NTSR2: variants seen among roughly 807,000 people sequenced by gnomAD.
NTSR2 encodes neurotensin receptor type 2.
A neutral mutation model predicts 24.1 loss-of-function variants in NTSR2; 22 were observed. The observed-to-expected ratio is 0.91, with a 90% CI of 0.65 to 1.30. The LOEUF (loss-of-function observed/expected upper bound fraction) is 1.30. Ranked by LOEUF, NTSR2 falls within the 50% of genes most tolerant of loss-of-function variation. NTSR2 has a pLI of 0.00. For synonymous variants in NTSR2, 291 were observed against 267.0 expected, an observed-to-expected ratio of 1.09 and a Z score of -0.88; for missense variants, 570 against 570.4, an observed-to-expected ratio of 1.00 and a Z score of 0.01.
chr2:11,669,624 G>T lies in NTSR2; in HGVS notation c.506C>A (p.Pro169His). 1 of 1,574,758 alleles carries T rather than the reference G, an allele frequency of 6.4e-7. No homozygotes were observed. The highest frequency in any genetic ancestry group is 2.3e-5 in the East Asian group (1 of 43,290). Residue 169 changes from proline (P) to histidine (H), a missense_variant, in exon 1 of 4, where the codon CCC (proline) becomes CAC (histidine). Pro to His is a moderately conservative substitution (Grantham distance 77). Coordinates refer to ENST00000306928, the MANE Select transcript of NTSR2 (RefSeq NM_012344.4). ...CTTCTGCCCCATGATGACGGCCATG[G>T]GCAGGGCGAGGCCGAGCGAGGCGGC... Reference protein sequence around the residue: ...SWAASLGLALPMAVIMGQKHE... With the variant: ...SWAASLGLALHMAVIMGQKHE...
At chr2:11,659,839 G>A (rs75182814) in intron 3 of NTSR2, among the ~76,000 whole-genome samples, 2,989 of 152,284 alleles carry the variant, frequency 0.02, 97 homozygotes, top group African/African-American at 0.069. Flanking sequence ...TACGCACACG[G>A]CCTTACCAGG....
intron 3 of NTSR2, among the ~76,000 whole-genome samples, chr2:11,659,716 G>A (rs941161882): frequency 3.9e-5 from 6 of 152,214 alleles, no homozygotes; most frequent in African/African-American, 1.4e-4. Flanking sequence ...CTTGGAATAG[G>A]AGAGGAAGGA....
rs756031029 is a variant in NTSR2 at position 11,660,047 on chromosome 2, T to C, written c.985A>G (p.Thr329Ala). 1.2e-6 allele frequency: 2 copies of C among 1,613,704 alleles called. No individual in the cohort carries two copies. The highest frequency in any genetic ancestry group is 8.5e-7 in the Non-Finnish European group (1 of 1,179,808). ...GGGTCCTTCTGCCACACTCACTCAG[T>C]CCACGCGTCATCAGGTACGTAGCAG... The part of the protein sequence containing the change: ...MYCYVPDDAW[T>A]DPLYNFYHYF... Residue 329 changes from threonine (T) to alanine (A), a missense_variant, in exon 3 of 4, where the codon ACT becomes GCT. By Grantham distance (58) the Thr-to-Ala change is moderately conservative. Coordinates refer to ENST00000306928, the MANE Select transcript of NTSR2 (RefSeq NM_012344.4).
chr2:11,661,029 G>T (rs1661061059), intron 2 of NTSR2, among the ~76,000 whole-genome samples: 1 of 151,978 alleles, frequency 6.6e-6, no homozygotes, highest in Non-Finnish European at 1.5e-5. Flanking sequence ...TCCCTCTCCT[G>T]CTTCTACTCT....
Position 11,660,041 on chromosome 2 carries a change from ACTCAGTC to A in NTSR2, c.984_989+1del. ...GTGCTAGGGTCCTTCTGCCACACTC[ACTCAGTC>A]CACGCGTCATCAGGTACGTAGCAGT... On this transcript the variant is annotated splice_donor_variant and coding_sequence_variant, in exon 3 of 4. Coordinates refer to ENST00000306928, the MANE Select transcript of NTSR2 (RefSeq NM_012344.4). LOFTEE classifies it high-confidence loss of function. 1.9e-6 allele frequency: 3 copies of A among 1,612,262 alleles called. No homozygotes were observed. The highest frequency in any genetic ancestry group is 2.5e-6 in the Non-Finnish European group (3 of 1,178,828).
At chr2:11,669,459 C>CGGGGGCGGGGGG in intron 1 of NTSR2, 47 bp downstream of exon 1, 4 of 337,896 alleles carry the variant, frequency 1.2e-5, no homozygotes, top group Non-Finnish European at 1.1e-5. Context: ...CTCCCAGCAC[C>CGGGGGCGGGGGG]GCCCCCCCAC....
rs1362272373 is a variant in NTSR2, at chr2:11,669,933, C to G, written c.197G>C (p.Gly66Ala). ...GCTGAGCACGTGGTGGCGCAGGCGC[C>G]CCGCGCGCCCGGCCCGCGCCTTCAG... Reference protein sequence around the residue: ...VVLKARAGRAGRLRHHVLSLA... With the variant: ...VVLKARAGRAARLRHHVLSLA... Residue 66 changes from glycine (G) to alanine (A), a missense_variant, in exon 1 of 4, where the codon GGG (glycine) becomes GCG (alanine). Gly to Ala is a moderately conservative substitution (Grantham distance 60). Transcript: ENST00000306928. 49 of 1,523,230 alleles carry G rather than the reference C, an allele frequency of 3.2e-5. No individual in the cohort carries two copies. The highest frequency in any genetic ancestry group is 4.0e-5 in the Non-Finnish European group (46 of 1,141,908). 94.4% of individuals were successfully genotyped at this position (1,523,230 alleles called of 1,614,324 possible). A position where few individuals can be genotyped will look rare whatever the true frequency, so the allele number is the denominator to read the frequency against.
At chr2:11,669,478 C>A (rs774387434) in intron 1 of NTSR2, 28 bp downstream of exon 1, 34 of 816,134 alleles carry the variant, frequency 4.2e-5, no homozygotes, top group African/African-American at 7.2e-5. Flanking sequence ...ACCCCCCCTC[C>A]CCCGACTCCC....
rs867152745 is a variant in NTSR2, at chr2:11,658,841, C to T, written c.990-119G>A. On this transcript the variant is annotated intron_variant, in intron 3 of 3. Transcript: ENST00000306928. ...CATGACGAAGCCTATTTTCTGCTAT[C>T]AGGAAGCACAGTGTTTTTGTTTGTT... 181 of 1,148,558 alleles carry T rather than the reference C, an allele frequency of 1.6e-4. 3 individuals are homozygous for T. In the Middle Eastern group the frequency reaches 7.6e-3, roughly 48 times the overall value. The allele number at this position is 1,148,558 out of a possible 1,614,324, so 71.1% of individuals were successfully genotyped here.
intron 1 of NTSR2, among the ~76,000 whole-genome samples, 154 bp downstream of exon 1, chr2:11,669,352 C>T (rs963094391): frequency 1.3e-5 from 2 of 152,206 alleles, no homozygotes; most frequent in African/African-American, 4.8e-5. Flanking sequence ...CTCCCTCCTT[C>T]TAGTAAAATG....
rs1028960585 is a variant in NTSR2, at chr2:11,670,123, T to C, written c.7A>G (p.Thr3Ala). 10 of 1,373,106 alleles carry C rather than the reference T, an allele frequency of 7.3e-6. No individual in the cohort carries two copies. Among genetic ancestry groups the C allele is most frequent in the Middle Eastern group, 2.7e-4 (1 of 3,748 alleles). The allele number at this position is 1,373,106 out of a possible 1,614,324, so 85.1% of individuals were successfully genotyped here. Residue 3 changes from threonine to alanine, a missense_variant, in exon 1 of 4, where the codon ACC becomes GCC. Thr to Ala is a moderately conservative substitution (Grantham distance 58). Coordinates refer to ENST00000306928, the MANE Select transcript of NTSR2 (RefSeq NM_012344.4). ME[T>A]SSPRPPRPSS... ...GGCCGCGGGGGCCGCGGGCTGCTGG[T>C]TTCCATCCCGCTCCCGCGGCCGGCG...
At chr2:11,660,310 C>T (rs1036023287) in intron 2 of NTSR2, among the ~76,000 whole-genome samples, 177 bp from the exon 3 acceptor site, 1 of 152,174 alleles carries the variant, frequency 6.6e-6, no homozygotes, top group Admixed American at 6.5e-5. Context: ...CGACCTGAAT[C>T]TCTTCTCAAA....
At chr2:11,663,389 G>C (rs1661124260) in intron 1 of NTSR2, among the ~76,000 whole-genome samples, 1 of 152,204 alleles carries the variant, frequency 6.6e-6, no homozygotes, top group African/African-American at 2.4e-5. Flanking sequence ...CAGGAGACCA[G>C]AGAGCTCCAG....
At chr2:11,661,320 T>G (rs1661066503) in intron 2 of NTSR2, among the ~76,000 whole-genome samples, 1 of 152,250 alleles carries the variant, frequency 6.6e-6, no homozygotes, top group Admixed American at 6.5e-5. Flanking sequence ...GTCTGACACC[T>G]TCATGTGCTG....
intron 1 of NTSR2, among the ~76,000 whole-genome samples, chr2:11,667,123 G>C (rs1056891799): frequency 1.3e-5 from 2 of 152,178 alleles, no homozygotes; most frequent in African/African-American, 4.8e-5. Flanking sequence ...CTGAGTCTGG[G>C]AAGAGCAGGA....
intron 2 of NTSR2, 118 bp from the exon 3 acceptor site, chr2:11,660,251 T>C: frequency 1.3e-6 from 1 of 755,650 alleles, no homozygotes; most frequent in East Asian, 2.6e-5. Flanking sequence ...TCTAACTTGG[T>C]CCTGGAGTCA....
At chr2:11,669,459 C>CGGGGGGGGGGGGGGGCGGG in intron 1 of NTSR2, 47 bp downstream of exon 1, 2 of 337,894 alleles carry the variant, frequency 5.9e-6, no homozygotes. Context: ...CTCCCAGCAC[C>CGGGGGGGGGGGGGGGCGGG]GCCCCCCCAC....
intron 1 of NTSR2, among the ~76,000 whole-genome samples, chr2:11,667,307 G>C (rs1020265467): frequency 4.6e-5 from 7 of 152,098 alleles, no homozygotes; most frequent in Non-Finnish European, 7.4e-5. Context: ...TTCCACAATG[G>C]CTAGAATTTT....
At position 11,662,235 on chromosome 2, in the gene NTSR2, A is replaced by G. The variant is rs1661090333; in HGVS notation, c.630T>C (p.Asn210=). 2 of 1,514,386 alleles carry G rather than the reference A, an allele frequency of 1.3e-6. No individual in the cohort carries two copies. The highest frequency in any genetic ancestry group is 1.4e-5 in the African/African-American group (1 of 71,762). The allele number at this position is 1,514,386 out of a possible 1,614,324, so 93.8% of individuals were successfully genotyped here. A position where few individuals can be genotyped will look rare whatever the true frequency, so the allele number is the denominator to read the frequency against. The change falls in exon 2 of 4, where the codon AAT becomes AAC. Residue 210 remains asparagine (N), a synonymous_variant. Transcript: ENST00000306928. ...RTALQVFIQV[N]VLVSFVLPLA... ...AGGGGAGCACGAAGGACACCAGCAC[A>G]TTCACCTGTGGAGGTAATGCCAAGG...
Sources: allele counts gnomAD v4.1 joint callset (sites outside exome capture counted in the v4.1 genomes callset), GRCh38; gene constraint gnomAD v4.1.1; transcripts MANE v1.5; gene names NCBI Gene and HGNC (gene_info 2026-07-23, HGNC 2026-07-21).